The following TMEM215 variants were observed in gnomAD, a reference collection of about 807,000 sequenced individuals.
TMEM215 encodes transmembrane protein 215.
A neutral mutation model predicts 14.7 loss-of-function variants in TMEM215; 12 were observed. The ratio of observed to expected loss-of-function variants is 0.82; its 90% CI spans 0.52 to 1.33. The LOEUF is 1.33. TMEM215 is among the 40% of genes most tolerant of loss of function. The pLI is 0.00. For missense variants in TMEM215, 276 were observed against 296.2 expected (o/e 0.93, Z 0.50); for synonymous variants, 122 against 124.8 (o/e 0.98, Z 0.15).
rs917970173 is a variant in TMEM215 at position 32,785,161 on chromosome 9, A to G, written c.*270A>G. 9.7e-6 allele frequency: 4 copies of G among 411,712 alleles called. No homozygotes were observed. Among genetic ancestry groups the G allele is most frequent in the Non-Finnish European group, 1.8e-5 (4 of 221,720 alleles). 25.5% of individuals were successfully genotyped at this position (411,712 alleles called of 1,614,324 possible). A position where few individuals can be genotyped will look rare whatever the true frequency, so the allele number is the denominator to read the frequency against. On this transcript the variant is annotated 3_prime_UTR_variant, in exon 2 of 2. Transcript: ENST00000342743. ...GCTTCTTAACAATTTACACAATGTT[A>G]AATGTTTTGTAAAATAACCCAAAAA...
In TMEM215 at chr9:32,784,949, G is replaced by A; in HGVS notation, c.*58G>A. ...ATATGACTAAGCCCAGCTCCCCGTG[G>A]AAGCAAATTGCTCTGCTTGGAGAGC... On this transcript the variant is annotated 3_prime_UTR_variant, in exon 2 of 2. Coordinates refer to ENST00000342743, the MANE Select transcript of TMEM215 (RefSeq NM_212558.3). The A allele has an allele frequency of 1.4e-6, 2 of 1,427,580 alleles. No homozygotes were observed. The highest frequency in any genetic ancestry group is 9.7e-7 in the Non-Finnish European group (1 of 1,031,614). The allele number at this position is 1,427,580 out of a possible 1,614,324, so 88.4% of individuals were successfully genotyped here. A position where few individuals can be genotyped will look rare whatever the true frequency, so the allele number is the denominator to read the frequency against.
chr9:32,786,940 T>C lies in TMEM215; in HGVS notation c.*2049T>C, dbSNP rs1402706676. The C allele has an allele frequency of 2.4e-5, 4 of 167,018 alleles. No individual in the cohort carries two copies. The highest frequency in any genetic ancestry group is 4.4e-5 in the Non-Finnish European group (3 of 68,046). 10.3% of individuals were successfully genotyped at this position (167,018 alleles called of 1,614,324 possible). ...TCACAGTAACTTTTAATAATTGTAA[T>C]GCATTTTGAAAACAGAGAATCATAT... On this transcript the variant is annotated 3_prime_UTR_variant, in exon 2 of 2. Transcript: ENST00000342743.
In TMEM215 at chr9:32,784,819, C is replaced by T. The variant is rs1587095684; in HGVS notation, c.636C>T (p.Asn212=). The T allele has an allele frequency of 6.2e-7, 1 of 1,613,520 alleles. No homozygotes were observed. Among genetic ancestry groups the T allele is most frequent in the East Asian group, 2.2e-5 (1 of 44,866 alleles). ...DSIIVCSYKQ[N]SPYDRYCCYI... ...TCATCGTTTGCTCCTACAAGCAGAACAGCCCGTATGACAGATACTGTTGTT... is the reference window on the plus strand; with the variant it reads ...TCATCGTTTGCTCCTACAAGCAGAATAGCCCGTATGACAGATACTGTTGTT... Residue 212 remains asparagine (N), a synonymous_variant, in exon 2 of 2, where the codon AAC becomes AAT. Coordinates refer to ENST00000342743, the MANE Select transcript of TMEM215 (RefSeq NM_212558.3).
rs2118246536 is a variant in TMEM215, at chr9:32,787,202, A to G, written c.*2311A>G. The G allele has an allele frequency of 6.0e-6, 1 of 167,102 alleles. No homozygotes were observed. Among genetic ancestry groups the G allele is most frequent in the Non-Finnish European group, 1.5e-5 (1 of 68,014 alleles). 10.4% of individuals were successfully genotyped at this position (167,102 alleles called of 1,614,324 possible). The stretch of plus-strand genomic sequence containing the variant: ...TTGGAACCATTTAAAACTCCTTTAT[A>G]TCATTCTGTCTCTTTCCAAATTGAG... On this transcript the variant is annotated 3_prime_UTR_variant, in exon 2 of 2. Transcript: ENST00000342743.
chr9:32,786,902 T>C lies in TMEM215; in HGVS notation c.*2011T>C, dbSNP rs1477505769. 1.8e-5 allele frequency: 3 copies of C among 167,010 alleles called. No homozygotes were observed. In the East Asian group the frequency reaches 5.8e-4, roughly 32 times the overall value. The allele number at this position is 167,010 out of a possible 1,614,324, so 10.3% of individuals were successfully genotyped here. A position where few individuals can be genotyped will look rare whatever the true frequency, so the allele number is the denominator to read the frequency against. On this transcript the variant is annotated 3_prime_UTR_variant, in exon 2 of 2. Transcript: ENST00000342743. ...CATTTGGATTTGGGATGGGGAGAGA[T>C]AGTTTCCTAAAATCACAGTAACTTT...
rs1824516723 is a variant in TMEM215, at chr9:32,787,234, C to G, written c.*2343C>G. On this transcript the variant is annotated 3_prime_UTR_variant, in exon 2 of 2. Transcript: ENST00000342743. ...TGTCTCTTTCCAAATTGAGGGTCAA[C>G]TACTAGTTTAGAGATATAAGGTATT... 1 of 166,864 alleles carries G rather than the reference C, an allele frequency of 6.0e-6. No individual in the cohort carries two copies. Among genetic ancestry groups the G allele is most frequent in the Non-Finnish European group, 1.5e-5 (1 of 68,010 alleles). The allele number at this position is 166,864 out of a possible 1,614,324, so 10.3% of individuals were successfully genotyped here.
chr9:32,784,305 C>G lies in TMEM215; in HGVS notation c.122C>G (p.Pro41Arg). Residue 41 changes from proline to arginine, a missense_variant, in exon 2 of 2, where the codon CCC becomes CGC. Coordinates refer to ENST00000342743, the MANE Select transcript of TMEM215 (RefSeq NM_212558.3). Reference sequence around the variant, plus strand: ...AAAGGGGAGACTTTGGGAAACATCCCCCTCCTGGCCATCGGGCCAGCCATC... The same window carrying G: ...AAAGGGGAGACTTTGGGAAACATCCGCCTCCTGGCCATCGGGCCAGCCATC... ...GMKGETLGNI[P>R]LLAIGPAICL... is the part of the protein sequence containing the mutation. The G allele has an allele frequency of 6.2e-7, 1 of 1,614,194 alleles. No individual in the cohort carries two copies. Among genetic ancestry groups the G allele is most frequent in the South Asian group, 1.1e-5 (1 of 91,080 alleles).
rs766459040 is a variant in TMEM215 at position 32,784,429 on chromosome 9, C to T, written c.246C>T (p.Cys82=). Reference sequence around the variant, plus strand: ...TGCTGTGGGTCCGCAAATTGCCCTGCTTCCGGAAACCCAAAGACAAGGAGG... The same window carrying T: ...TGCTGTGGGTCCGCAAATTGCCCTGTTTCCGGAAACCCAAAGACAAGGAGG... The part of the protein sequence containing the change: ...NELLWVRKLP[C]FRKPKDKEVV... Residue 82 remains cysteine, a synonymous_variant, in exon 2 of 2, where the codon TGC becomes TGT. Transcript: ENST00000342743. The T allele has an allele frequency of 1.9e-6, 3 of 1,614,098 alleles. No individual in the cohort carries two copies. Among genetic ancestry groups the T allele is most frequent in the African/African-American group, 2.7e-5 (2 of 74,938 alleles).
In TMEM215 at chr9:32,789,058, C is replaced by G. The variant is rs1195305250; in HGVS notation, c.*4167C>G. On this transcript the variant is annotated 3_prime_UTR_variant, in exon 2 of 2. Transcript: ENST00000342743. ...CGCCTATCAGTGACTTACAAATGAACTGGAATTTCAGGAATCTGATAGACT... is the reference window on the plus strand; with the variant it reads ...CGCCTATCAGTGACTTACAAATGAAGTGGAATTTCAGGAATCTGATAGACT... Among the ~76,000 whole-genome samples the G allele has an allele frequency of 6.6e-6, 1 of 152,074 alleles. No individual in the cohort carries two copies. The highest frequency in any genetic ancestry group is 2.4e-5 in the African/African-American group (1 of 41,396).
rs565615822 is a variant in TMEM215, at chr9:32,787,584, A to T, written c.*2693A>T. Among the ~76,000 whole-genome samples, 1 of 152,136 alleles carries T rather than the reference A, an allele frequency of 6.6e-6. No individual in the cohort carries two copies. The highest frequency in any genetic ancestry group is 1.5e-5 in the Non-Finnish European group (1 of 67,970). On this transcript the variant is annotated 3_prime_UTR_variant, in exon 2 of 2. Coordinates refer to ENST00000342743, the MANE Select transcript of TMEM215 (RefSeq NM_212558.3). ...TCAAAAAATATATATACACAAAAAAAGGGGAAAAGCCACATTTTTTTGAAC... is the reference window on the plus strand; with the variant it reads ...TCAAAAAATATATATACACAAAAAATGGGGAAAAGCCACATTTTTTTGAAC...
At chr9:32,784,068 A>T in intron 1 of TMEM215, 58 bp from the exon 2 acceptor site, 1 of 932,342 alleles carries the variant, frequency 1.1e-6, no homozygotes, top group Non-Finnish European at 1.6e-6. Context: ...ACAAGAGTTG[A>T]TGGGTGGGAG....
In TMEM215 at chr9:32,786,046, T is replaced by C. The variant is rs1011320535; in HGVS notation, c.*1155T>C. ...GATAAAAGTCTCTTTATTTCATACA[T>C]TTTTGCTGCTGAGGAAAACAACAAA... On this transcript the variant is annotated 3_prime_UTR_variant, in exon 2 of 2. Coordinates refer to ENST00000342743, the MANE Select transcript of TMEM215 (RefSeq NM_212558.3). 1 of 166,990 alleles carries C rather than the reference T, an allele frequency of 6.0e-6. No homozygotes were observed. Among genetic ancestry groups the C allele is most frequent in the Non-Finnish European group, 1.5e-5 (1 of 68,080 alleles). The allele number at this position is 166,990 out of a possible 1,614,324, so 10.3% of individuals were successfully genotyped here.
Position 32,784,982 on chromosome 9 carries a change from CTG to C in TMEM215, c.*93_*94del. On this transcript the variant is annotated 3_prime_UTR_variant, in exon 2 of 2. Coordinates refer to ENST00000342743, the MANE Select transcript of TMEM215 (RefSeq NM_212558.3). ...TTGCTCTGCTTGGAGAGCCTTCACA[CTG>C]TTAGAAATTGACCTGGTATGTGATG... The C allele has an allele frequency of 9.0e-7, 1 of 1,105,370 alleles. No individual in the cohort carries two copies. The highest frequency in any genetic ancestry group is 1.5e-5 in the South Asian group (1 of 68,200). The allele number at this position is 1,105,370 out of a possible 1,614,324, so 68.5% of individuals were successfully genotyped here. A position where few individuals can be genotyped will look rare whatever the true frequency, so the allele number is the denominator to read the frequency against.
In TMEM215 at chr9:32,784,234, C is replaced by G; in HGVS notation, c.51C>G (p.Val17=). ...GGACTGGGCTGGTGGTGGCCCTGGT[C>G]AGTGTCTTCCTCGTCTTTGGTTTCA... ...NPRTGLVVAL[V]SVFLVFGFMF... is the part of the protein sequence containing the mutation. Residue 17 remains valine (V), a synonymous_variant, in exon 2 of 2, where the codon GTC becomes GTG. Transcript: ENST00000342743. 1 of 1,614,110 alleles carries G rather than the reference C, an allele frequency of 6.2e-7. No individual in the cohort carries two copies. Among genetic ancestry groups the G allele is most frequent in the Non-Finnish European group, 8.5e-7 (1 of 1,180,010 alleles).
chr9:32,783,917 A>G, intron 1 of TMEM215, 112 bp downstream of exon 1: 2 of 445,404 alleles, frequency 4.5e-6, no homozygotes, highest in East Asian at 3.8e-5. Context: ...GAGGGGACGG[A>G]GAGAAAGAGT....
intron 1 of TMEM215, 74 bp downstream of exon 1, chr9:32,783,879 G>A (rs1452339231): frequency 5.6e-6 from 2 of 357,322 alleles, no homozygotes; most frequent in Non-Finnish European, 1.0e-5. Flanking sequence ...GAGGAAGAGA[G>A]GGAGGGCACA....
In TMEM215 at chr9:32,788,284, G is replaced by C. The variant is rs528177147; in HGVS notation, c.*3393G>C. On this transcript the variant is annotated 3_prime_UTR_variant, in exon 2 of 2. Transcript: ENST00000342743. Reference sequence around the variant, plus strand: ...AGTATTTTATCACAGTAAAGAAAAGGTTTCTGAAAACCCACAACCTCACTA... The same window carrying C: ...AGTATTTTATCACAGTAAAGAAAAGCTTTCTGAAAACCCACAACCTCACTA... Among the ~76,000 whole-genome samples, 1 of 152,058 alleles carries C rather than the reference G, an allele frequency of 6.6e-6. No individual in the cohort carries two copies. Among genetic ancestry groups the C allele is most frequent in the African/African-American group, 2.4e-5 (1 of 41,412 alleles).
At position 32,786,321 on chromosome 9, in the gene TMEM215, A is replaced by G. The variant is rs1824506203; in HGVS notation, c.*1430A>G. ...ATTGAGGACAAAAATTTGGGCATATATGTTTTGTGTATTTCAATTCCAACT... is the reference window on the plus strand; with the variant it reads ...ATTGAGGACAAAAATTTGGGCATATGTGTTTTGTGTATTTCAATTCCAACT... On this transcript the variant is annotated 3_prime_UTR_variant, in exon 2 of 2. Transcript: ENST00000342743. The G allele has an allele frequency of 6.0e-6, 1 of 166,976 alleles. No individual in the cohort carries two copies. The highest frequency in any genetic ancestry group is 1.5e-5 in the Non-Finnish European group (1 of 68,072). 10.3% of individuals were successfully genotyped at this position (166,976 alleles called of 1,614,324 possible). A position where few individuals can be genotyped will look rare whatever the true frequency, so the allele number is the denominator to read the frequency against.
In TMEM215 at chr9:32,784,674, G is replaced by A; in HGVS notation, c.491G>A (p.Gly164Asp). The A allele has an allele frequency of 6.2e-7, 1 of 1,614,062 alleles. No individual in the cohort carries two copies. The highest frequency in any genetic ancestry group is 1.1e-5 in the South Asian group (1 of 91,072). ...HQEETSRYLD[G>D]YCPSGSSLTY... ...GAGGAGACGTCCAGATACCTGGACGGCTACTGCCCCTCGGGCAGTTCCCTC... is the reference window on the plus strand; with the variant it reads ...GAGGAGACGTCCAGATACCTGGACGACTACTGCCCCTCGGGCAGTTCCCTC... Residue 164 changes from glycine (G) to aspartate (D), a missense_variant, in exon 2 of 2, where the codon GGC becomes GAC. By Grantham distance (94) the Gly-to-Asp change is moderately conservative (BLOSUM62 -1). Transcript: ENST00000342743.
Sources: allele counts gnomAD v4.1 joint callset (sites outside exome capture counted in the v4.1 genomes callset), GRCh38; gene constraint gnomAD v4.1.1; transcripts MANE v1.5; gene names NCBI Gene and HGNC (gene_info 2026-07-23, HGNC 2026-07-21).